SNX13: variants seen among roughly 807,000 people sequenced by gnomAD.
SNX13 encodes sorting nexin 13.
Under a neutral mutation model 133.6 loss-of-function variants are expected in SNX13, and 45 were observed. The observed-to-expected ratio is 0.34, with a 90% CI of 0.27 to 0.43. The LOEUF (loss-of-function observed/expected upper bound fraction) is 0.43, where lower values mean the gene tolerates loss of function less well. SNX13 is among the 20% of genes least tolerant of loss of function. The pLI, the probability that SNX13 is intolerant of heterozygous loss-of-function variation, is 1.00. For synonymous variants in SNX13, 414 were observed against 373.9 expected (o/e 1.11, Z -1.24); for missense variants, 1,032 against 1,145.1 (o/e 0.90, Z 1.43).
In SNX13 at chr7:17,792,739, T is replaced by C. The variant is rs984136391; in HGVS notation, c.*1306A>G. ...CCCAAACCCTTAGGCAATGAAAGTA[T>C]TTAAAACTATGCAGAAATCCTGCAT... On this transcript the variant is annotated 3_prime_UTR_variant, in exon 26 of 26. Transcript: ENST00000428135. The C allele has an allele frequency of 2.0e-5, 3 of 152,316 alleles. No homozygotes were observed. Among genetic ancestry groups the C allele is most frequent in the African/African-American group, 2.4e-5 (1 of 41,398 alleles). 9.4% of individuals were successfully genotyped at this position (152,316 alleles called of 1,614,324 possible). A position where few individuals can be genotyped will look rare whatever the true frequency, so the allele number is the denominator to read the frequency against.
chr7:17,892,132 G>A (rs1796691900), intron 3 of SNX13, among the ~76,000 whole-genome samples: 1 of 151,828 alleles, frequency 6.6e-6, no homozygotes, highest in Non-Finnish European at 1.5e-5. Flanking sequence ...GAAAATTGGG[G>A]AAAAGGTAGT....
At chr7:17,913,415 G>A (rs2128023552) in intron 1 of SNX13, among the ~76,000 whole-genome samples, 1 of 152,260 alleles carries the variant, frequency 6.6e-6, no homozygotes, top group African/African-American at 2.4e-5. Flanking sequence ...CTCACCAAAG[G>A]TGGAGCACTT....
At chr7:17,811,455 T>A (rs1786013073) in intron 20 of SNX13, among the ~76,000 whole-genome samples, 1 of 152,116 alleles carries the variant, frequency 6.6e-6, no homozygotes, top group South Asian at 2.1e-4. Context: ...GCGAAGGACA[T>A]CTTTAAGGAG....
At chr7:17,845,134 G>C (rs1790336626) in intron 12 of SNX13, among the ~76,000 whole-genome samples, 1 of 139,904 alleles carries the variant, frequency 7.1e-6, no homozygotes. Context: ...AAGGGGAGAA[G>C]CAAGTGTGTG....
At chr7:17,814,370 G>T (rs1786410636) in intron 20 of SNX13, among the ~76,000 whole-genome samples, 1 of 151,934 alleles carries the variant, frequency 6.6e-6, no homozygotes, top group Non-Finnish European at 1.5e-5. Context: ...CTTATTTACT[G>T]TCTTACCTTA....
At chr7:17,922,269 G>C (rs1159457530) in intron 1 of SNX13, among the ~76,000 whole-genome samples, 1 of 152,208 alleles carries the variant, frequency 6.6e-6, no homozygotes, top group Non-Finnish European at 1.5e-5. Context: ...AGTGGAAGAG[G>C]ACACTGCAGA....
At chr7:17,852,807 G>A (rs1229935522) in intron 9 of SNX13, among the ~76,000 whole-genome samples, 1 of 152,180 alleles carries the variant, frequency 6.6e-6, no homozygotes, top group Non-Finnish European at 1.5e-5. Flanking sequence ...TCTAGAAGGA[G>A]TTGGTTACAA....
intron 12 of SNX13, among the ~76,000 whole-genome samples, chr7:17,844,737 T>C (rs1233911475): frequency 2.0e-5 from 3 of 148,892 alleles, no homozygotes; most frequent in South Asian, 2.2e-4. Flanking sequence ...CCAAAGATGG[T>C]TGAACATACA....
In SNX13 at chr7:17,826,094, G is replaced by T; in HGVS notation, c.1636-3C>A. On this transcript the variant is annotated splice_region_variant and splice_polypyrimidine_tract_variant and intron_variant, in intron 16 of 25. Coordinates refer to ENST00000428135, the MANE Select transcript of SNX13 (RefSeq NM_015132.5). ...ACATTTGAAAGGTCATCTAAAGACT[G>T]AGAAAAAAAAATCAGGAAACAAATT... 1 of 1,510,814 alleles carries T rather than the reference G, an allele frequency of 6.6e-7. No homozygotes were observed. Among genetic ancestry groups the T allele is most frequent in the Non-Finnish European group, 8.9e-7 (1 of 1,129,896 alleles). 93.6% of individuals were successfully genotyped at this position (1,510,814 alleles called of 1,614,324 possible).
intron 1 of SNX13, among the ~76,000 whole-genome samples, chr7:17,916,141 AAC>A (rs1194570718): frequency 6.6e-6 from 1 of 152,198 alleles, no homozygotes; most frequent in Non-Finnish European, 1.5e-5. Flanking sequence ...GGTTGCGACA[AAC>A]ACAGTGTTAA....
rs1783732461 is a variant in SNX13, at chr7:17,793,389, T to G, written c.*656A>C. 1 of 151,918 alleles carries G rather than the reference T, an allele frequency of 6.6e-6. No homozygotes were observed. Among genetic ancestry groups the G allele is most frequent in the African/African-American group, 2.4e-5 (1 of 41,402 alleles). 9.4% of individuals were successfully genotyped at this position (151,918 alleles called of 1,614,324 possible). On this transcript the variant is annotated 3_prime_UTR_variant, in exon 26 of 26. Coordinates refer to ENST00000428135, the MANE Select transcript of SNX13 (RefSeq NM_015132.5). The stretch of plus-strand genomic sequence containing the variant: ...AAGCACACATAAGAATAAAAATTGT[T>G]GTATACCAATGAATAACAAATCCAA...
At chr7:17,875,625 A>G (rs1161739319) in intron 6 of SNX13, 44 bp from the exon 7 acceptor site, 1 of 1,607,324 alleles carries the variant, frequency 6.2e-7, no homozygotes, top group Non-Finnish European at 8.5e-7. Context: ...TGAAAGGAAA[A>G]CAGATTTTCA....
intron 12 of SNX13, among the ~76,000 whole-genome samples, chr7:17,841,776 A>C (rs1053408685): frequency 6.6e-6 from 1 of 152,086 alleles, no homozygotes; most frequent in East Asian, 1.9e-4. Context: ...TCAATAAAAC[A>C]ATCTATGAAC....
At chr7:17,899,225 C>T (rs896886491) in intron 1 of SNX13, 1 of 152,184 alleles carries the variant, frequency 6.6e-6, no homozygotes, top group East Asian at 1.9e-4. Flanking sequence ...TTTTCTCTTG[C>T]TGCTTTTAGG....
At chr7:17,928,094 A>AT (rs1298126834) in intron 1 of SNX13, among the ~76,000 whole-genome samples, 1 of 152,234 alleles carries the variant, frequency 6.6e-6, no homozygotes, top group African/African-American at 2.4e-5. Flanking sequence ...AAGCAACACA[A>AT]TCCTACCACA....
chr7:17,878,432 T>C (rs1291552423), intron 5 of SNX13, among the ~76,000 whole-genome samples: 1 of 152,182 alleles, frequency 6.6e-6, no homozygotes, highest in Non-Finnish European at 1.5e-5. Context: ...ACAGAATGGT[T>C]GCAAGAAAAA....
At chr7:17,821,867 A>C (rs1262065741) in intron 17 of SNX13, among the ~76,000 whole-genome samples, 6 of 152,192 alleles carry the variant, frequency 3.9e-5, no homozygotes, top group Non-Finnish European at 7.4e-5. Context: ...ATAATGGCTA[A>C]ATTACAAAAT....
intron 1 of SNX13, chr7:17,898,952 C>G (rs1797521133): frequency 6.6e-6 from 1 of 152,210 alleles, no homozygotes; most frequent in Non-Finnish European, 1.5e-5. Flanking sequence ...AGTTTCTGCT[C>G]TGCCTCCATG....
intron 11 of SNX13, among the ~76,000 whole-genome samples, chr7:17,846,409 A>T (rs573169397): frequency 5.9e-5 from 9 of 152,310 alleles, no homozygotes; most frequent in African/African-American, 2.2e-4. Flanking sequence ...AAGATGAAAA[A>T]GGTTGCCTAT....
Sources: gnomAD v4.1 joint callset for allele counts (sites outside exome capture counted in the v4.1 genomes callset) on GRCh38, gnomAD v4.1.1 for gene constraint, MANE v1.5 for transcripts, NCBI Gene and HGNC (gene_info 2026-07-23, HGNC 2026-07-21) for gene names.